Variants in MTMR3 observed in about 807,000 individuals in gnomAD.
The protein encoded by MTMR3 is phosphatidylinositol-3,5-bisphosphate 3-phosphatase MTMR3.
MTMR3 carries 32 observed loss-of-function variants against 132.4 expected under a neutral mutation model. The ratio of observed to expected loss-of-function variants is 0.24; its 90% CI spans 0.18 to 0.32. MTMR3 has a LOEUF of 0.32. MTMR3 is among the 10% of genes least tolerant of loss of function. The probability of loss-of-function intolerance (pLI) is 1.00; values close to 1 mark genes in which losing one functional copy is unlikely to be tolerated. For synonymous variants in MTMR3, 556 were observed against 550.3 expected (o/e 1.01, Z -0.14); for missense variants, 1,216 against 1,489.6 (o/e 0.82, Z 3.02).
intron 2 of MTMR3, among the ~76,000 whole-genome samples, chr22:29,966,918 T>C (rs2066432749): frequency 6.6e-6 from 1 of 152,162 alleles, no homozygotes; most frequent in Admixed American, 6.6e-5. Context: ...CTCCCAATTA[T>C]TTCTGACTTA....
intron 12 of MTMR3, chr22:30,011,678 A>G (rs918285070): frequency 1.3e-5 from 2 of 152,328 alleles, no homozygotes; most frequent in African/African-American, 2.4e-5. Flanking sequence ...AAGTCTTTCA[A>G]AAAAAGGTTC....
intron 5 of MTMR3, chr22:29,984,462 T>TGA (rs1484445814): frequency 1.3e-5 from 2 of 152,262 alleles, no homozygotes; most frequent in African/African-American, 2.4e-5. Flanking sequence ...ATTTTTAAAC[T>TGA]GCTGCTCTTC....
chr22:29,939,923 A>G (rs555832819), intron 1 of MTMR3, among the ~76,000 whole-genome samples: 10 of 152,254 alleles, frequency 6.6e-5, no homozygotes, highest in East Asian at 3.9e-4. Context: ...TAACTGATCA[A>G]TTGACCTTAT....
intron 1 of MTMR3, among the ~76,000 whole-genome samples, chr22:29,888,609 T>C (rs2064725858): frequency 6.6e-6 from 1 of 152,144 alleles, no homozygotes; most frequent in South Asian, 2.1e-4. Context: ...TAAGTACTCT[T>C]TTCCCTTAAC....
chr22:29,987,344 C>A (rs985946329), intron 5 of MTMR3: 1 of 152,146 alleles, frequency 6.6e-6, no homozygotes, highest in African/African-American at 2.4e-5. Context: ...TCAGCTAACA[C>A]GAGGGCCAGC....
At chr22:29,901,008 T>G (rs564903072) in intron 1 of MTMR3, among the ~76,000 whole-genome samples, 1 of 152,190 alleles carries the variant, frequency 6.6e-6, no homozygotes, top group Non-Finnish European at 1.5e-5. Context: ...TCTTTTTTTG[T>G]TATACTGCCT....
At chr22:29,985,881 A>G (rs1043552779) in intron 5 of MTMR3, 2 of 152,234 alleles carry the variant, frequency 1.3e-5, no homozygotes, top group African/African-American at 4.8e-5. Context: ...GTCTGAGATA[A>G]TTTTATGATA....
chr22:30,018,220 G>A (rs2067649108), intron 16 of MTMR3, 148 bp downstream of exon 16: 2 of 881,020 alleles, frequency 2.3e-6, no homozygotes, highest in Non-Finnish European at 3.2e-6. Context: ...GGAAGTTATA[G>A]GGATTTCTGA....
At chr22:30,016,474 T>G (rs2067595166) in intron 14 of MTMR3, 54 bp from the exon 15 acceptor site, 1 of 1,581,968 alleles carries the variant, frequency 6.3e-7, no homozygotes, top group Admixed American at 1.7e-5. Context: ...TGAGCTGACT[T>G]ATCAGAGTGT....
chr22:29,890,712 T>C (rs2064780075), intron 1 of MTMR3, among the ~76,000 whole-genome samples: 1 of 152,154 alleles, frequency 6.6e-6, no homozygotes, highest in Non-Finnish European at 1.5e-5. Context: ...TTGAAACAGT[T>C]TTCTGTTTCT....
intron 1 of MTMR3, among the ~76,000 whole-genome samples, chr22:29,919,537 T>C (rs929059068): frequency 6.6e-6 from 1 of 151,910 alleles, no homozygotes; most frequent in African/African-American, 2.4e-5. Flanking sequence ...TTTGGGCATG[T>C]TTTTTTTGAG....
chr22:29,971,174 T>C (rs945206732), intron 3 of MTMR3, 112 bp downstream of exon 3: 1 of 1,059,566 alleles, frequency 9.4e-7, no homozygotes, highest in Non-Finnish European at 1.3e-6. Flanking sequence ...TAAGAAATTA[T>C]TTCTTTTTCT....
intron 1 of MTMR3, among the ~76,000 whole-genome samples, chr22:29,926,457 T>G (rs1470749780): frequency 6.6e-6 from 1 of 152,218 alleles, no homozygotes; most frequent in Non-Finnish European, 1.5e-5. Context: ...TTTGAAGAAC[T>G]ACCACACTGT....
chr22:29,923,208 A>AT (rs927235547), intron 1 of MTMR3, among the ~76,000 whole-genome samples: 5 of 150,616 alleles, frequency 3.3e-5, no homozygotes, highest in African/African-American at 1.2e-4. Flanking sequence ...CTCCCAGCTA[A>AT]TTTTTTGTAG....
chr22:29,930,842 T>C (rs1285609060), intron 1 of MTMR3, among the ~76,000 whole-genome samples: 2 of 151,764 alleles, frequency 1.3e-5, no homozygotes, highest in Non-Finnish European at 2.9e-5. Flanking sequence ...TCTACAAAAA[T>C]ATAAAAATAA....
At chr22:29,895,694 T>G (rs1179915698) in intron 1 of MTMR3, among the ~76,000 whole-genome samples, 2 of 152,168 alleles carry the variant, frequency 1.3e-5, no homozygotes, top group Non-Finnish European at 2.9e-5. Flanking sequence ...TCTCATCGAT[T>G]TGCTGAGCAT....
rs7284772 is a variant in MTMR3 at position 29,927,100 on chromosome 22, C to T, written c.-137-29936C>T. ...CGTTTGTTGAAAACTGTTCTTTCCT[C>T]GTTGAGTTGTTCTAGCATCTTTGTT... is the stretch of plus-strand genomic sequence containing the variant. On this transcript the variant is annotated intron_variant, in intron 1 of 19. Coordinates refer to ENST00000401950, the MANE Select transcript of MTMR3 (RefSeq NM_021090.4). Among the ~76,000 whole-genome samples the T allele has an allele frequency of 4.6e-3, 698 of 152,222 alleles. 6 individuals carry two copies. Among genetic ancestry groups the T allele is most frequent in the African/African-American group, 0.016 (654 of 41,528 alleles).
chr22:30,011,668 A>G (rs2067429772), intron 12 of MTMR3: 2 of 152,280 alleles, frequency 1.3e-5, no homozygotes, highest in Admixed American at 1.3e-4. Flanking sequence ...CGGCCTCTAA[A>G]AGTCTTTCAA....
intron 1 of MTMR3, among the ~76,000 whole-genome samples, chr22:29,932,546 T>C (rs1173252670): frequency 1.3e-5 from 2 of 152,162 alleles, no homozygotes; most frequent in African/African-American, 4.8e-5. Flanking sequence ...TGATTAATAG[T>C]ATCATTCAGA....
Sources: gnomAD v4.1 joint callset for allele counts (sites outside exome capture counted in the v4.1 genomes callset) on GRCh38, gnomAD v4.1.1 for gene constraint, MANE v1.5 for transcripts, NCBI Gene and HGNC (gene_info 2026-07-23, HGNC 2026-07-21) for gene names.